OR4P4: variants seen among roughly 807,000 people sequenced by gnomAD.
The protein encoded by OR4P4 is olfactory receptor family 4 subfamily P member 4.
OR4P4 carries 1 observed loss-of-function variant against 2.1 expected under a neutral mutation model. The observed-to-expected ratio is 0.47, with a 90% CI of 0.17 to 2.21. OR4P4 has a LOEUF of 2.21. Among genes scored for constraint, OR4P4 ranks in the 30% most tolerant of loss-of-function variants. OR4P4 has a pLI of 0.27. For missense variants in OR4P4, 375 were observed against 376.5 expected, an observed-to-expected ratio of 1.00 and a Z score of 0.03; for synonymous variants, 129 against 133.2, an observed-to-expected ratio of 0.97 and a Z score of 0.22.
chr11:55,638,651 A>G lies in OR4P4; in HGVS notation c.294A>G (p.Gln98=). 2.7e-6 allele frequency: 4 copies of G among 1,491,512 alleles called. 2 individuals are homozygous for G. The highest frequency in any genetic ancestry group is 3.6e-6 in the Non-Finnish European group (4 of 1,096,828). 92.4% of individuals were successfully genotyped at this position (1,491,512 alleles called of 1,614,324 possible). ...TTTCCTATAATAACTGTATGATACA[A>G]CTCTTTACCACCCATTTTTTTGGAG... The change falls in exon 2 of 2, where the codon CAA becomes CAG. Residue 98 remains glutamine (Q), a synonymous_variant. Transcript: ENST00000641760.
chr11:55,638,420 T>G (rs1429946847), exon 2 of OR4P4: 1 of 1,458,328 alleles, frequency 6.9e-7, no homozygotes, highest in Admixed American at 2.2e-5. Flanking sequence ...ATAAGAACAT[T>G]GAAGTCCTCT....
exon 2 of OR4P4, chr11:55,638,929 A>G (rs1166643144): frequency 6.7e-7 from 1 of 1,485,970 alleles, no homozygotes; most frequent in African/African-American, 1.4e-5. Flanking sequence ...TCTAATATAC[A>G]CATGATAGGT....
chr11:55,638,808 T>G (rs779084664), exon 2 of OR4P4: 1 of 1,491,658 alleles, frequency 6.7e-7, no homozygotes, highest in East Asian at 2.6e-5. Flanking sequence ...TACTGGGGGA[T>G]TTATACATTC....
Position 55,638,976 on chromosome 11 carries a change from G to GT in OR4P4, c.620dup (p.Thr208AspfsTer32). Reference sequence around the variant, plus strand: ...TGCTAATTCAGGCTTAATTGCTTTGGTGACATTTGTTGTCTTGTTGTTGTC... The same window carrying GT: ...TGCTAATTCAGGCTTAATTGCTTTGGTTGACATTTGTTGTCTTGTTGTTGTC... On this transcript the variant is annotated frameshift_variant, in exon 2 of 2. Transcript: ENST00000641760. LOFTEE classifies it low-confidence loss of function (END_TRUNC). The GT allele has an allele frequency of 2.0e-6, 3 of 1,487,576 alleles. No individual in the cohort carries two copies. In the African/African-American group the frequency reaches 4.1e-5, roughly 20 times the overall value. The allele number at this position is 1,487,576 out of a possible 1,614,324, so 92.1% of individuals were successfully genotyped here.
At chr11:55,636,524 G>A (rs1369951560) in intron 1 of OR4P4, among the ~76,000 whole-genome samples, 1 of 137,820 alleles carries the variant, frequency 7.3e-6, no homozygotes, top group Non-Finnish European at 1.6e-5. Context: ...GGACAGTCAG[G>A]ATTAATGTTC....
At chr11:55,639,391 C>A in exon 2 of OR4P4, 1 of 679,830 alleles carries the variant, frequency 1.5e-6, no homozygotes. Flanking sequence ...GAAAAGTGGG[C>A]AAACAGGAAG....
At chr11:55,640,083 G>T (rs1428759011) in exon 2 of OR4P4, 1 of 135,082 alleles carries the variant, frequency 7.4e-6, no homozygotes, top group Non-Finnish European at 1.6e-5. Context: ...GCAGTGAGCC[G>T]AGATCATGCC....
chr11:55,637,276 T>A (rs1281564907), intron 1 of OR4P4, among the ~76,000 whole-genome samples: 2 of 138,296 alleles, frequency 1.4e-5, no homozygotes, highest in African/African-American at 2.5e-5. Context: ...GAAGTGTATT[T>A]CAGGTGGGTT....
In OR4P4 at chr11:55,639,211, A is replaced by G. The variant is rs1169311118; in HGVS notation, c.854A>G (p.Tyr285Cys). 2.0e-6 allele frequency: 3 copies of G among 1,488,522 alleles called. 1 individual carries two copies. The highest frequency in any genetic ancestry group is 2.6e-5 in the East Asian group (1 of 38,748). The allele number at this position is 1,488,522 out of a possible 1,614,324, so 92.2% of individuals were successfully genotyped here. Residue 285 changes from tyrosine to cysteine, a missense_variant, in exon 2 of 2, where the codon TAC becomes TGC. Transcript: ENST00000641760. Reference sequence around the variant, plus strand: ...GCTCCCATGTTCAACCCTCTCATATACACGCTGAGAAACACAGAGATGAAG... The same window carrying G: ...GCTCCCATGTTCAACCCTCTCATATGCACGCTGAGAAACACAGAGATGAAG...
chr11:55,639,025 T>A, exon 2 of OR4P4: 2 of 1,492,888 alleles, frequency 1.3e-6, no homozygotes, highest in Non-Finnish European at 1.8e-6. Flanking sequence ...TTGTATACCA[T>A]CAGAGCATAC....
rs376954254 is a variant in OR4P4, at chr11:55,635,298, T to G, written c.-31+82T>G. 3.6e-5 allele frequency: 5 copies of G among 137,686 alleles called. 2 individuals are homozygous for G. Among genetic ancestry groups the G allele is most frequent in the Non-Finnish European group, 8.1e-5 (5 of 61,550 alleles). 8.5% of individuals were successfully genotyped at this position (137,686 alleles called of 1,614,324 possible). On this transcript the variant is annotated intron_variant, in intron 1 of 1. Transcript: ENST00000641760. ...CCTTGGGAAGAAATAAAAATGTAAC[T>G]TTAGAATATAGCCTTTACCTAAAAT...
In OR4P4 at chr11:55,638,588, C is replaced by T. The variant is rs778745175; in HGVS notation, c.231C>T (p.Pro77=). 3 of 1,481,206 alleles carry T rather than the reference C, an allele frequency of 2.0e-6. 1 individual carries two copies. The highest frequency in any genetic ancestry group is 2.8e-6 in the Non-Finnish European group (3 of 1,088,332). The allele number at this position is 1,481,206 out of a possible 1,614,324, so 91.8% of individuals were successfully genotyped here. Residue 77 remains proline (P), a synonymous_variant, in exon 2 of 2, where the codon CCC becomes CCT. Coordinates refer to ENST00000641760, the Ensembl canonical transcript of OR4P4. The stretch of plus-strand genomic sequence containing the variant: ...TTTGCTACACATCCACAGTGACCCC[C>T]AAATTAATGGTTGACTTACTGGCAG...
In OR4P4 at chr11:55,638,937, G is replaced by C; in HGVS notation, c.580G>C (p.Gly194Arg). The C allele has an allele frequency of 2.7e-6, 4 of 1,483,602 alleles. 2 individuals are homozygous for C. The highest frequency in any genetic ancestry group is 2.4e-5 in the South Asian group (2 of 83,872). 91.9% of individuals were successfully genotyped at this position (1,483,602 alleles called of 1,614,324 possible). ...GGCCTGTTCTAATATACACATGATA[G>C]GTCTCTTAGTCATTGCTAATTCAGG... The change falls in exon 2 of 2, where the codon GGT becomes CGT. Residue 194 changes from glycine (G) to arginine (R), a missense_variant. Physicochemically the swap from Gly to Arg is moderately radical, Grantham distance 125. Transcript: ENST00000641760.
intron 1 of OR4P4, among the ~76,000 whole-genome samples, chr11:55,636,068 G>T (rs1858385119): frequency 7.2e-6 from 1 of 138,014 alleles, no homozygotes; most frequent in African/African-American, 2.5e-5. Context: ...AAATGATATT[G>T]TGAGAAGAGT....
exon 2 of OR4P4, chr11:55,638,501 G>C (rs745780696): frequency 6.7e-7 from 1 of 1,483,084 alleles, no homozygotes. Flanking sequence ...TTTCTATCAC[G>C]TGCACCCAGC....
At position 55,638,709 on chromosome 11, in the gene OR4P4, T is replaced by C. The variant is rs145199320; in HGVS notation, c.352T>C (p.Tyr118His). 180 of 1,491,790 alleles carry C rather than the reference T, an allele frequency of 1.2e-4. 29 individuals carry two copies. In the African/African-American group the frequency reaches 1.9e-3, roughly 16 times the overall value. 92.4% of individuals were successfully genotyped at this position (1,491,790 alleles called of 1,614,324 possible). Residue 118 changes from tyrosine (Y) to histidine (H), a missense_variant, in exon 2 of 2, where the codon TAT becomes CAT. Tyr to His is a moderately conservative substitution (Grantham distance 83). Transcript: ENST00000641760. ...GATCTTCATTCTCACAGGGATGGCC[T>C]ATGACCGCTATGTGGCCATTTGCAA...
Position 55,638,334 on chromosome 11 carries a change from T to G in OR4P4, c.-24T>G, listed in dbSNP as rs776863987. ...ATAAATTATGTCATTTCAGGTGACT[T>G]ATATGTTCTATCTACACTGGACCAT... On this transcript the variant is annotated 5_prime_UTR_variant, in exon 2 of 2. An upstream open reading frame in the 5' UTR gains an earlier in-frame stop. Coordinates refer to ENST00000641760, the Ensembl canonical transcript of OR4P4. 9.7e-7 allele frequency: 1 copy of G among 1,036,066 alleles called. No individual in the cohort carries two copies. The highest frequency in any genetic ancestry group is 1.4e-6 in the Non-Finnish European group (1 of 729,934). 64.2% of individuals were successfully genotyped at this position (1,036,066 alleles called of 1,614,324 possible). A position where few individuals can be genotyped will look rare whatever the true frequency, so the allele number is the denominator to read the frequency against.
exon 2 of OR4P4, chr11:55,640,229 C>T (rs2120186407): frequency 7.4e-6 from 1 of 135,952 alleles, no homozygotes; most frequent in South Asian, 2.4e-4. Flanking sequence ...CATTTTGTTG[C>T]TGCGTGTGTG....
chr11:55,635,509 T>C (rs567689567), intron 1 of OR4P4, among the ~76,000 whole-genome samples: 7 of 137,184 alleles, frequency 5.1e-5, no homozygotes, highest in Non-Finnish European at 9.8e-5. Context: ...ATGGTATGAA[T>C]TTTGTGTTTG....
Sources: allele counts gnomAD v4.1 joint callset (sites outside exome capture counted in the v4.1 genomes callset), GRCh38; gene constraint gnomAD v4.1.1; transcripts MANE v1.5; gene names NCBI Gene and HGNC (gene_info 2026-07-23, HGNC 2026-07-21).